TTC28: variants seen among roughly 807,000 people sequenced by gnomAD.
TTC28 encodes the protein tetratricopeptide repeat domain 28.
Under a neutral mutation model 198.0 loss-of-function variants are expected in TTC28, and 61 were observed. The ratio of observed to expected loss-of-function variants is 0.31; its 90% CI spans 0.25 to 0.38. TTC28 has a LOEUF of 0.38. Ranked by LOEUF, TTC28 falls within the 10% of genes least tolerant of loss-of-function variation. The probability of loss-of-function intolerance (pLI) is 1.00; values close to 1 mark genes in which losing one functional copy is unlikely to be tolerated. For synonymous variants in TTC28, 1,171 were observed against 1,297.8 expected, an observed-to-expected ratio of 0.90 and a Z score of 2.10; for missense variants, 2,678 against 3,164.0, an observed-to-expected ratio of 0.85 and a Z score of 3.69.
At chr22:28,029,005 C>T (rs9625387) in intron 13 of TTC28, 38,777 of 471,080 alleles carry the variant, frequency 0.082, 1,805 homozygotes, top group Admixed American at 0.092. Flanking sequence ...TCACCACAGC[C>T]TGCATCACCT....
At chr22:28,538,511 TAAG>T (rs1425223175) in intron 2 of TTC28, among the ~76,000 whole-genome samples, 2 of 151,426 alleles carry the variant, frequency 1.3e-5, no homozygotes, top group Non-Finnish European at 2.9e-5. Flanking sequence ...GGTGTGGTGA[TAAG>T]AAGATAAACA....
chr22:28,438,347 A>G (rs1275213538), intron 2 of TTC28, among the ~76,000 whole-genome samples: 1 of 152,218 alleles, frequency 6.6e-6, no homozygotes, highest in East Asian at 1.9e-4. Context: ...AAGCTATTCT[A>G]AGACACAAAT....
chr22:28,346,702 C>T (rs1298880063), intron 2 of TTC28, among the ~76,000 whole-genome samples: 2 of 152,072 alleles, frequency 1.3e-5, no homozygotes, highest in Non-Finnish European at 1.5e-5. Context: ...CTCTGTAACG[C>T]AAGACTCTTT....
chr22:28,132,555 C>T (rs1943085182), intron 6 of TTC28, among the ~76,000 whole-genome samples: 1 of 152,170 alleles, frequency 6.6e-6, no homozygotes, highest in South Asian at 2.1e-4. Context: ...TCAAAAAACC[C>T]TTTCCAGTTC....
At position 28,432,432 on chromosome 22, in the gene TTC28, G is replaced by A. The variant is rs2047447563; in HGVS notation, c.382-125789C>T. On this transcript the variant is annotated intron_variant, in intron 2 of 22. Transcript: ENST00000397906. ...TCATTCTTAATTCATATGAGACAATGCAAAGATATATTATAGATTCACCTT... is the reference window on the plus strand; with the variant it reads ...TCATTCTTAATTCATATGAGACAATACAAAGATATATTATAGATTCACCTT... 2.0e-5 allele frequency among the ~76,000 whole-genome samples: 3 copies of A among 152,084 alleles called. No homozygotes were observed. In the South Asian group the frequency reaches 6.2e-4, roughly 32 times the overall value.
intron 2 of TTC28, among the ~76,000 whole-genome samples, chr22:28,437,669 T>A (rs558105322): frequency 1.5e-3 from 230 of 152,232 alleles, no homozygotes; most frequent in African/African-American, 5.3e-3. Context: ...CACAGCTCAC[T>A]GCAGCCTCAA....
chr22:28,086,682 A>G (rs1385923435), intron 12 of TTC28, among the ~76,000 whole-genome samples: 6 of 152,316 alleles, frequency 3.9e-5, no homozygotes, highest in Non-Finnish European at 8.8e-5. Flanking sequence ...ACTGAAGGTA[A>G]TAGAGACACA....
chr22:28,374,826 C>CT (rs1489511908), intron 2 of TTC28, among the ~76,000 whole-genome samples: 4 of 152,010 alleles, frequency 2.6e-5, no homozygotes, highest in Non-Finnish European at 4.4e-5. Context: ...GGATTGCAGG[C>CT]TCCCACCACC....
At chr22:28,318,782 C>T (rs112923696) in intron 2 of TTC28, among the ~76,000 whole-genome samples, 16 of 145,304 alleles carry the variant, frequency 1.1e-4, no homozygotes, top group East Asian at 1.0e-3. Flanking sequence ...TAACATGGGA[C>T]GGAGAAAAAT....
intron 1 of TTC28, among the ~76,000 whole-genome samples, chr22:28,651,572 C>T (rs1330924672): frequency 1.3e-5 from 2 of 151,892 alleles, no homozygotes; most frequent in East Asian, 3.9e-4. Flanking sequence ...TATGCCACCA[C>T]ACCTGGCTAA....
chr22:28,612,060 GT>G (rs889599286), intron 2 of TTC28, among the ~76,000 whole-genome samples: 10 of 152,098 alleles, frequency 6.6e-5, no homozygotes, highest in African/African-American at 2.4e-4. Flanking sequence ...AGACCCATTG[GT>G]GTGCTGTATT....
intron 2 of TTC28, among the ~76,000 whole-genome samples, chr22:28,444,986 A>G (rs922588126): frequency 5.9e-5 from 9 of 152,182 alleles, no homozygotes; most frequent in Admixed American, 5.9e-4. Flanking sequence ...CTAGCACAGA[A>G]AGCTCAATAA....
At chr22:28,236,855 G>A (rs1929285502) in intron 5 of TTC28, among the ~76,000 whole-genome samples, 3 of 152,120 alleles carry the variant, frequency 2.0e-5, no homozygotes, top group Admixed American at 2.0e-4. Context: ...AAGAAATAGA[G>A]GGAATGGAAC....
chr22:28,532,760 A>T (rs1457541740), intron 2 of TTC28, among the ~76,000 whole-genome samples: 2 of 152,208 alleles, frequency 1.3e-5, no homozygotes, highest in Non-Finnish European at 2.9e-5. Flanking sequence ...AACATACACA[A>T]ATCAATAAAT....
intron 2 of TTC28, among the ~76,000 whole-genome samples, chr22:28,518,322 TG>T (rs2048832796): frequency 6.6e-6 from 1 of 152,086 alleles, no homozygotes; most frequent in Non-Finnish European, 1.5e-5. Flanking sequence ...TTTTTGAAAA[TG>T]AGTATACAAA....
intron 5 of TTC28, among the ~76,000 whole-genome samples, chr22:28,191,696 C>T (rs749189224): frequency 3.3e-5 from 5 of 152,182 alleles, no homozygotes; most frequent in African/African-American, 7.2e-5. Context: ...TCATTGCTAG[C>T]GCAGCAGTCT....
intron 5 of TTC28, among the ~76,000 whole-genome samples, chr22:28,282,096 T>G (rs1193479192): frequency 6.6e-6 from 1 of 152,162 alleles, no homozygotes; most frequent in Non-Finnish European, 1.5e-5. Context: ...ATTCACTCAG[T>G]GTTATTCTCT....
At chr22:28,054,294 T>C (rs1021174542) in intron 12 of TTC28, among the ~76,000 whole-genome samples, 1 of 152,142 alleles carries the variant, frequency 6.6e-6, no homozygotes, top group Non-Finnish European at 1.5e-5. Context: ...CTTGGATTGA[T>C]TTGAAGACAT....
At chr22:28,482,636 G>C (rs917200965) in intron 2 of TTC28, among the ~76,000 whole-genome samples, 1 of 152,128 alleles carries the variant, frequency 6.6e-6, no homozygotes, top group Non-Finnish European at 1.5e-5. Context: ...TTAGTACACT[G>C]TGCAATGCTG....
Sources: gnomAD v4.1 joint callset for allele counts (sites outside exome capture counted in the v4.1 genomes callset) on GRCh38, gnomAD v4.1.1 for gene constraint, MANE v1.5 for transcripts, NCBI Gene and HGNC (gene_info 2026-07-23, HGNC 2026-07-21) for gene names.